DGLUCY: variants seen among roughly 807,000 people sequenced by gnomAD.
The protein encoded by DGLUCY is D-glutamate cyclase, mitochondrial.
DGLUCY carries 58 observed loss-of-function variants against 58.5 expected under a neutral mutation model. The observed-to-expected ratio is 0.99, with a 90% CI of 0.80 to 1.23. The LOEUF (loss-of-function observed/expected upper bound fraction) is 1.23, where lower values mean the gene tolerates loss of function less well. Ranked by LOEUF, DGLUCY falls within the 50% of genes most tolerant of loss-of-function variation. The pLI is 0.00. For synonymous variants in DGLUCY, 325 were observed against 314.1 expected (o/e 1.03, Z -0.37); for missense variants, 779 against 784.7 (o/e 0.99, Z 0.09).
intron 13 of DGLUCY, among the ~76,000 whole-genome samples, chr14:91,224,353 C>A (rs1887918158): frequency 6.6e-6 from 1 of 152,146 alleles, no homozygotes; most frequent in Admixed American, 6.5e-5. Context: ...CATAGCAAGA[C>A]CCCATCTCTA....
At chr14:91,138,336 A>G in intron 1 of DGLUCY, among the ~76,000 whole-genome samples, 1 of 152,124 alleles carries the variant, frequency 6.6e-6, no homozygotes, top group East Asian at 1.9e-4. Flanking sequence ...TACTAAAACT[A>G]CAAAATTAGC....
chr14:91,207,161 G>GAAAAAGAAA (rs1555406263), intron 12 of DGLUCY, among the ~76,000 whole-genome samples: 2 of 85,326 alleles, frequency 2.3e-5, no homozygotes, highest in African/African-American at 9.3e-5. Context: ...ACTGTCTCAG[G>GAAAAAGAAA]AAAAAAAAAA....
chr14:91,165,769 G>A (rs2048248283), intron 3 of DGLUCY, among the ~76,000 whole-genome samples: 1 of 152,202 alleles, frequency 6.6e-6, no homozygotes, highest in South Asian at 2.1e-4. Context: ...ACTGGTGCAA[G>A]TGTCAATTGG....
rs2048683582 is a variant in DGLUCY at position 91,173,453 on chromosome 14, G to A, written c.607+14G>A. ...TGGGCGACCCAGGTCAGTGTCTCTC[G>A]CTCCTGCCCATGATCTTCCTGTTCA... On this transcript the variant is annotated intron_variant, in intron 6 of 13. Transcript: ENST00000256324. 7.6e-6 allele frequency: 12 copies of A among 1,581,582 alleles called. No individual in the cohort carries two copies. Among genetic ancestry groups the A allele is most frequent in the Non-Finnish European group, 9.4e-6 (11 of 1,167,306 alleles).
At chr14:91,167,040 G>A (rs577662468) in intron 3 of DGLUCY, among the ~76,000 whole-genome samples, 185 bp from the exon 4 acceptor site, 1 of 152,014 alleles carries the variant, frequency 6.6e-6, no homozygotes, top group Non-Finnish European at 1.5e-5. Flanking sequence ...TCGGGGGGCT[G>A]AGGCAGGAGA....
chr14:91,078,590 C>T (rs927019854), intron 1 of DGLUCY, among the ~76,000 whole-genome samples: 1 of 152,156 alleles, frequency 6.6e-6, no homozygotes, highest in African/African-American at 2.4e-5. Flanking sequence ...CTAGCGTGAC[C>T]TCAACAACTA....
chr14:91,190,133 G>A (rs1489944700), intron 9 of DGLUCY, among the ~76,000 whole-genome samples: 2 of 151,388 alleles, frequency 1.3e-5, no homozygotes, highest in African/African-American at 2.4e-5. Flanking sequence ...GACTACAGGC[G>A]CCCGCTACCA....
At chr14:91,207,452 A>G (rs1884938268) in intron 12 of DGLUCY, among the ~76,000 whole-genome samples, 1 of 152,228 alleles carries the variant, frequency 6.6e-6, no homozygotes, top group East Asian at 1.9e-4. Flanking sequence ...AGCGATAAAT[A>G]GTAGCATTTG....
At chr14:91,218,404 A>ATTTTTTT (rs35615811) in intron 13 of DGLUCY, among the ~76,000 whole-genome samples, 2 of 145,986 alleles carry the variant, frequency 1.4e-5, no homozygotes, top group Non-Finnish European at 3.0e-5. Context: ...TAAAATGGGG[A>ATTTTTTT]TTTTTTTTTT....
At chr14:91,116,128 T>A (rs1039605220) in intron 1 of DGLUCY, among the ~76,000 whole-genome samples, 1 of 152,216 alleles carries the variant, frequency 6.6e-6, no homozygotes, top group Admixed American at 6.5e-5. Flanking sequence ...TTGACAGATT[T>A]CTCAGCCTTT....
intron 1 of DGLUCY, among the ~76,000 whole-genome samples, chr14:91,077,379 A>T (rs2044039595): frequency 6.7e-6 from 1 of 148,222 alleles, no homozygotes. Flanking sequence ...GGAAGGAAGG[A>T]AAGGAAGGAA....
rs562792656 is a variant in DGLUCY at position 91,160,692 on chromosome 14, G to C, written c.103+295G>C. On this transcript the variant is annotated intron_variant, in intron 3 of 13. Transcript: ENST00000256324. ...ACCAGTGGGCTCAGGTGATGAAAAG[G>C]GTTGTCCCTTCTGGGAAAAGTGCCC... Among the ~76,000 whole-genome samples, 163 of 152,166 alleles carry C rather than the reference G, an allele frequency of 1.1e-3. 1 individual carries two copies. Among genetic ancestry groups the C allele is most frequent in the African/African-American group, 3.4e-3 (141 of 41,522 alleles).
chr14:91,149,473 G>A (rs536460424), intron 1 of DGLUCY, among the ~76,000 whole-genome samples: 1 of 152,186 alleles, frequency 6.6e-6, no homozygotes, highest in African/African-American at 2.4e-5. Context: ...GGGTCAGGCC[G>A]TTGGTTGAGC....
At chr14:91,105,401 T>C (rs2044571335), upstream of DGLUCY, among the ~76,000 whole-genome samples, 1 of 152,156 alleles carries the variant, frequency 6.6e-6, no homozygotes, top group Non-Finnish European at 1.5e-5. Context: ...CCAGATCACA[T>C]CGAGACAGGT....
intron 9 of DGLUCY, among the ~76,000 whole-genome samples, chr14:91,191,119 C>T (rs1034575238): frequency 2.0e-5 from 3 of 152,244 alleles, no homozygotes; most frequent in Admixed American, 6.5e-5. Context: ...GCACCCTCAA[C>T]CCCTGGGGGA....
At chr14:91,219,891 G>T (rs1283532959) in intron 13 of DGLUCY, among the ~76,000 whole-genome samples, 1 of 152,188 alleles carries the variant, frequency 6.6e-6, no homozygotes, top group Non-Finnish European at 1.5e-5. Context: ...CAATTTGGCA[G>T]GGTGACAGAG....
At chr14:91,109,334 G>T (rs185849658), upstream of DGLUCY, among the ~76,000 whole-genome samples, 4 of 152,120 alleles carry the variant, frequency 2.6e-5, no homozygotes, top group Admixed American at 6.6e-5. Flanking sequence ...CTCAAGAGCC[G>T]CTGTGTTCCT....
At chr14:91,082,908 T>C (rs547235508) in intron 1 of DGLUCY, among the ~76,000 whole-genome samples, 1 of 152,174 alleles carries the variant, frequency 6.6e-6, no homozygotes, top group East Asian at 1.9e-4. Context: ...CATGCGCAAC[T>C]ATGCTTGGTT....
At chr14:91,153,398 A>C (rs1390919933) in intron 1 of DGLUCY, among the ~76,000 whole-genome samples, 2 of 151,996 alleles carry the variant, frequency 1.3e-5, no homozygotes, top group Non-Finnish European at 2.9e-5. Context: ...GGCCAGGCTG[A>C]TCTCAAACTC....
Sources: gnomAD v4.1 joint callset for allele counts (sites outside exome capture counted in the v4.1 genomes callset) on GRCh38, gnomAD v4.1.1 for gene constraint, MANE v1.5 for transcripts, NCBI Gene and HGNC (gene_info 2026-07-23, HGNC 2026-07-21) for gene names.